Variants in PAX7 observed in about 807,000 individuals in gnomAD.
PAX7 encodes paired box 7, also known as paired box protein Pax-7.
A neutral mutation model predicts 50.7 loss-of-function variants in PAX7; 18 were observed. The ratio of observed to expected loss-of-function variants is 0.36; its 90% CI spans 0.25 to 0.53. The LOEUF is 0.53. Among genes scored for constraint, PAX7 ranks in the 20% least tolerant of loss-of-function variants. The pLI is 0.93. For synonymous variants in PAX7, 310 were observed against 290.4 expected (o/e 1.07, Z -0.69); for missense variants, 644 against 702.9 (o/e 0.92, Z 0.95).
rs552128351 is a variant in PAX7, at chr1:18,679,853, T to C, written c.587-11901T>C. ...TTCATTCATCCATGCATTCATTCCT[T>C]GCCTTTGTGTTTTGCGCCAGGCAAC... On this transcript the variant is annotated intron_variant, in intron 4 of 8. Transcript: ENST00000420770. 1.9e-4 allele frequency among the ~76,000 whole-genome samples: 29 copies of C among 152,356 alleles called. No homozygotes were observed. The South Asian group carries it at 5.2e-3, about 27-fold the overall frequency.
chr1:18,744,723 TGG>T (rs1931352484), intron 8 of PAX7, 89 bp from the exon 9 acceptor site: 4 of 725,650 alleles, frequency 5.5e-6, no homozygotes, highest in African/African-American at 1.8e-5. Flanking sequence ...GATGGATGGA[TGG>T]ATGGATGGAT....
intron 7 of PAX7, among the ~76,000 whole-genome samples, chr1:18,719,608 G>A (rs2089469492): frequency 1.3e-5 from 2 of 152,244 alleles, no homozygotes; most frequent in South Asian, 4.1e-4. Flanking sequence ...GGCTGAAATT[G>A]AGACATACTG....
chr1:18,668,033 C>T (rs1030071694), intron 4 of PAX7, among the ~76,000 whole-genome samples: 23 of 152,162 alleles, frequency 1.5e-4, no homozygotes, highest in African/African-American at 5.3e-4. Context: ...AACCCAGGAG[C>T]CCAGGAGCAG....
intron 7 of PAX7, among the ~76,000 whole-genome samples, chr1:18,707,959 A>T (rs2089304967): frequency 6.6e-6 from 1 of 152,112 alleles, no homozygotes; most frequent in Admixed American, 6.6e-5. Flanking sequence ...GAGCTGAGTT[A>T]TATGGGCAAA....
At chr1:18,689,100 C>G (rs1279006154) in intron 4 of PAX7, among the ~76,000 whole-genome samples, 2 of 152,070 alleles carry the variant, frequency 1.3e-5, no homozygotes, top group Admixed American at 6.5e-5. Flanking sequence ...CCCCATCCGC[C>G]TCAGCTCCTG....
At chr1:18,730,867 G>T (rs2089637661) in intron 7 of PAX7, among the ~76,000 whole-genome samples, 2 of 151,940 alleles carry the variant, frequency 1.3e-5, no homozygotes, top group African/African-American at 4.8e-5. Context: ...GTCTGGTCGA[G>T]GCTGGGACTG....
intron 7 of PAX7, among the ~76,000 whole-genome samples, chr1:18,715,561 T>G (rs1332118975): frequency 6.6e-6 from 1 of 152,122 alleles, no homozygotes; most frequent in Non-Finnish European, 1.5e-5. Flanking sequence ...CAGGGTAAGT[T>G]GCTCTTTAAG....
intron 4 of PAX7, among the ~76,000 whole-genome samples, chr1:18,647,555 A>G (rs1338927493): frequency 6.6e-6 from 1 of 152,152 alleles, no homozygotes; most frequent in Admixed American, 6.5e-5. Flanking sequence ...GGATTCTGAA[A>G]GATCTGGGTA....
Position 18,632,599 on chromosome 1 carries a change from G to A in PAX7, c.85+911G>A, listed in dbSNP as rs1040243368. ...AGGGATCATTTGGCTTCTGAGGGTA[G>A]GTAGCCTAGGGTGTCACAGAGAAGT... is the stretch of plus-strand genomic sequence containing the variant. On this transcript the variant is annotated intron_variant, in intron 1 of 8. Coordinates refer to ENST00000420770, the MANE Select transcript of PAX7 (RefSeq NM_001135254.2). This position sits in a 1 kb window ranked among gnomAD's most constrained non-coding sequence, Gnocchi z 6.3. Among the ~76,000 whole-genome samples the A allele has an allele frequency of 7.2e-5, 11 of 152,232 alleles. No homozygotes were observed. Among genetic ancestry groups the A allele is most frequent in the African/African-American group, 2.6e-4 (11 of 41,524 alleles).
In PAX7 at chr1:18,703,237, A is replaced by C. The variant is rs1231856165; in HGVS notation, c.1096A>C (p.Met366Leu). 2 of 1,614,146 alleles carry C rather than the reference A, an allele frequency of 1.2e-6. No homozygotes were observed. Among genetic ancestry groups the C allele is most frequent in the Non-Finnish European group, 1.7e-6 (2 of 1,179,992 alleles). Residue 366 changes from methionine (M) to leucine (L), a missense_variant, in exon 7 of 9, where the codon ATG becomes CTG. By Grantham distance (15) the Met-to-Leu change is conservative. Coordinates refer to ENST00000420770, the MANE Select transcript of PAX7 (RefSeq NM_001135254.2). ...HSFSSYSDSF[M>L]NPAAPSNHMN... is the part of the protein sequence containing the mutation. ...CTTCTCCAGCTACTCTGACAGCTTC[A>C]TGAATCCGGCGGCGCCCTCCAACCA...
chr1:18,681,150 A>G (rs939983091), intron 4 of PAX7, among the ~76,000 whole-genome samples: 1 of 146,716 alleles, frequency 6.8e-6, no homozygotes, highest in South Asian at 2.3e-4. Flanking sequence ...CTGGGCAACA[A>G]GAGCAAAACT....
At chr1:18,650,684 T>C (rs1222530245) in intron 4 of PAX7, among the ~76,000 whole-genome samples, 2 of 152,204 alleles carry the variant, frequency 1.3e-5, no homozygotes, top group Admixed American at 6.5e-5. Flanking sequence ...CCTTTTTTTA[T>C]AGATGGAGAA....
chr1:18,667,345 A>C (rs537648236), intron 4 of PAX7, among the ~76,000 whole-genome samples: 1 of 151,100 alleles, frequency 6.6e-6, no homozygotes, highest in South Asian at 2.1e-4. Flanking sequence ...ATCTTCAGAG[A>C]GTGGAAGGAA....
At position 18,686,099 on chromosome 1, in the gene PAX7, C is replaced by A. The variant is rs796127756; in HGVS notation, c.587-5655C>A. Among the ~76,000 whole-genome samples the A allele has an allele frequency of 1.4e-4, 22 of 152,336 alleles. 1 individual carries two copies. Among genetic ancestry groups the A allele is most frequent in the African/African-American group, 5.1e-4 (21 of 41,572 alleles). ...AGCTGCCTTGATGTTTTACGTCTGT[C>A]CTGTGCCCCGGTTCATCTGGCAGTG... is the stretch of plus-strand genomic sequence containing the variant. On this transcript the variant is annotated intron_variant, in intron 4 of 8. Coordinates refer to ENST00000420770, the MANE Select transcript of PAX7 (RefSeq NM_001135254.2).
At chr1:18,715,852 C>G (rs1270197263) in intron 7 of PAX7, among the ~76,000 whole-genome samples, 1 of 152,156 alleles carries the variant, frequency 6.6e-6, no homozygotes, top group Non-Finnish European at 1.5e-5. Context: ...GCCAAGGTCA[C>G]AGTGAGTTAG....
chr1:18,631,630 G>C lies in PAX7; in HGVS notation c.27G>C (p.Pro9=). The C allele has an allele frequency of 6.2e-7, 1 of 1,613,078 alleles. No individual in the cohort carries two copies. The highest frequency in any genetic ancestry group is 8.5e-7 in the Non-Finnish European group (1 of 1,179,870). Residue 9 remains proline, a synonymous_variant, in exon 1 of 9, where the codon CCG becomes CCC. Coordinates refer to ENST00000420770, the MANE Select transcript of PAX7 (RefSeq NM_001135254.2). ...TGGCGGCCCTTCCCGGCACGGTACC[G>C]AGAATGATGCGGCCGGCTCCGGGGC... The part of the protein sequence containing the change: MAALPGTV[P]RMMRPAPGQN...
intron 4 of PAX7, among the ~76,000 whole-genome samples, chr1:18,662,234 C>T (rs1164237971): frequency 6.6e-6 from 1 of 152,160 alleles, no homozygotes; most frequent in Non-Finnish European, 1.5e-5. Flanking sequence ...TTATGTGACC[C>T]GGCCTTGGCC....
At chr1:18,658,125 A>G (rs971909623) in intron 4 of PAX7, among the ~76,000 whole-genome samples, 2 of 152,156 alleles carry the variant, frequency 1.3e-5, no homozygotes, top group Non-Finnish European at 2.9e-5. Flanking sequence ...GCATTAATGT[A>G]CATCTGCAGC....
intron 5 of PAX7, among the ~76,000 whole-genome samples, chr1:18,693,580 C>T (rs1343168496): frequency 6.6e-6 from 1 of 152,212 alleles, no homozygotes; most frequent in East Asian, 1.9e-4. Context: ...GCGGACACCC[C>T]TCCGCCCCCT....
Sources: allele counts gnomAD v4.1 joint callset (sites outside exome capture counted in the v4.1 genomes callset), GRCh38; gene constraint gnomAD v4.1.1; non-coding constraint Gnocchi (gnomAD v3.1); transcripts MANE v1.5; gene names NCBI Gene and HGNC (gene_info 2026-07-23, HGNC 2026-07-21).